Variants in ARK2C observed in about 807,000 individuals in gnomAD.
ARK2C encodes arkadia (RNF111) C-terminal like ring finger ubiquitin ligase 2C, also known as E3 ubiquitin-protein ligase ARK2C.
chr18:46,347,104 C>T, the ARK2C span, among the ~76,000 whole-genome samples: 1 of 152,230 alleles, frequency 6.6e-6, no homozygotes, highest in South Asian at 2.1e-4. Flanking sequence ...GGAGGGCCTC[C>T]CGGAGGAGGC....
chr18:46,383,020 C>G, the ARK2C span, among the ~76,000 whole-genome samples: 1 of 152,388 alleles, frequency 6.6e-6, no homozygotes, highest in East Asian at 1.9e-4. Context: ...CATGCACCCC[C>G]TAGCCTGCTG....
chr18:46,374,437 C>T, the ARK2C span, among the ~76,000 whole-genome samples: 1 of 152,176 alleles, frequency 6.6e-6, no homozygotes, highest in Non-Finnish European at 1.5e-5. Flanking sequence ...CCGCCAGCCC[C>T]TGGCAGCCTT....
At chr18:46,442,162 CAA>C in the ARK2C span, among the ~76,000 whole-genome samples, 4 of 139,270 alleles carry the variant, frequency 2.9e-5, no homozygotes, top group Non-Finnish European at 6.2e-5. Context: ...AACTCCGTCT[CAA>C]AAAAAAAAAA....
the ARK2C span, among the ~76,000 whole-genome samples, chr18:46,396,180 T>C: frequency 6.6e-6 from 1 of 152,162 alleles, no homozygotes; most frequent in Non-Finnish European, 1.5e-5. Context: ...CCAAAGCAAG[T>C]CACAAAGCCA....
the ARK2C span, among the ~76,000 whole-genome samples, chr18:46,377,581 G>T: frequency 6.6e-6 from 1 of 152,166 alleles, no homozygotes; most frequent in African/African-American, 2.4e-5. Flanking sequence ...AAGGAGTGGA[G>T]GTTGAGCTAG....
chr18:46,341,383 A>C, the ARK2C span, among the ~76,000 whole-genome samples: 1 of 151,900 alleles, frequency 6.6e-6, no homozygotes, highest in African/African-American at 2.4e-5. Flanking sequence ...AGTTTACTGT[A>C]AGGTGGAGTA....
the ARK2C span, among the ~76,000 whole-genome samples, chr18:46,453,351 G>T: frequency 6.6e-6 from 1 of 152,282 alleles, no homozygotes; most frequent in South Asian, 2.1e-4. Context: ...AGCAGCACCT[G>T]TGTCCCGGAC....
chr18:46,354,502 C>A, the ARK2C span, among the ~76,000 whole-genome samples: 1 of 152,244 alleles, frequency 6.6e-6, no homozygotes, highest in Non-Finnish European at 1.5e-5. Flanking sequence ...GAGTTCTCAG[C>A]TCCCTTAGAG....
chr18:46,371,491 G>GAAA, the ARK2C span, among the ~76,000 whole-genome samples: 1 of 152,190 alleles, frequency 6.6e-6, no homozygotes, highest in African/African-American at 2.4e-5. Context: ...GGTTAAGGGA[G>GAAA]AAGTTAAAGG....
the ARK2C span, among the ~76,000 whole-genome samples, chr18:46,362,854 A>T: frequency 1.3e-5 from 2 of 152,210 alleles, no homozygotes; most frequent in Admixed American, 1.3e-4. Flanking sequence ...AGGTGTGTTC[A>T]CTCAGTCCTT....
chr18:46,444,067 G>A, the ARK2C span, among the ~76,000 whole-genome samples: 1 of 151,940 alleles, frequency 6.6e-6, no homozygotes, highest in Non-Finnish European at 1.5e-5. Flanking sequence ...GCAGTGCATA[G>A]GTGCCATTCC....
the ARK2C span, among the ~76,000 whole-genome samples, chr18:46,374,904 A>G: frequency 2.2e-4 from 34 of 152,268 alleles, no homozygotes; most frequent in African/African-American, 7.9e-4. Flanking sequence ...CTTGAGTCTG[A>G]CATTTGGTCT....
At chr18:46,415,831 A>G in the ARK2C span, among the ~76,000 whole-genome samples, 1 of 152,202 alleles carries the variant, frequency 6.6e-6, no homozygotes, top group African/African-American at 2.4e-5. Flanking sequence ...AGGTAAAGTG[A>G]TATGCTGATA....
At chr18:46,362,263 CT>C in the ARK2C span, among the ~76,000 whole-genome samples, 2 of 152,340 alleles carry the variant, frequency 1.3e-5, no homozygotes, top group Admixed American at 1.3e-4. Context: ...CAGGGTTTTC[CT>C]TCAGGGGTTT....
At chr18:46,399,034 C>T in the ARK2C span, among the ~76,000 whole-genome samples, 1 of 152,154 alleles carries the variant, frequency 6.6e-6, no homozygotes, top group East Asian at 1.9e-4. Context: ...ACCCGGGAGT[C>T]TGCAGTTCAA....
chr18:46,422,443 G>A, the ARK2C span, among the ~76,000 whole-genome samples: 1 of 152,220 alleles, frequency 6.6e-6, no homozygotes, highest in Non-Finnish European at 1.5e-5. Context: ...ATGCAGAGGG[G>A]AGAGGAGGCT....
At chr18:46,447,924 C>T in the ARK2C span, among the ~76,000 whole-genome samples, 553 of 145,722 alleles carry the variant, frequency 3.8e-3, 2 homozygotes, top group African/African-American at 0.014. Context: ...AACAGCTCCC[C>T]TCTCTTCCCA....
the ARK2C span, chr18:46,435,380 G>T: frequency 6.2e-7 from 1 of 1,613,918 alleles, no homozygotes; most frequent in Admixed American, 1.7e-5. Context: ...CAGGTATTTG[G>T]CTGAGGGCAC....
chr18:46,435,255 C>CACTAG, the ARK2C span: 1 of 1,593,906 alleles, frequency 6.3e-7, no homozygotes, highest in African/African-American at 1.3e-5. Flanking sequence ...TGGGTAGCCC[C>CACTAG]TGACACGAGG....
Sources: allele counts gnomAD v4.1 joint callset (sites outside exome capture counted in the v4.1 genomes callset), GRCh38; gene constraint gnomAD v4.1.1; transcripts MANE v1.5; gene names NCBI Gene and HGNC (gene_info 2026-07-23, HGNC 2026-07-21).